Variants in NALF1 observed in about 807,000 individuals in gnomAD.
NALF1 encodes the protein NALCN channel auxiliary factor 1.
NALF1 carries 3 observed loss-of-function variants against 48.4 expected under a neutral mutation model. The ratio of observed to expected loss-of-function variants is 0.06; its 90% CI spans 0.03 to 0.16. The LOEUF (loss-of-function observed/expected upper bound fraction) is 0.16. Ranked by LOEUF, NALF1 falls within the 10% of genes least tolerant of loss-of-function variation. The probability of loss-of-function intolerance (pLI) is 1.00; values close to 1 mark genes in which losing one functional copy is unlikely to be tolerated. For synonymous variants in NALF1, 262 were observed against 245.7 expected, an observed-to-expected ratio of 1.07 and a Z score of -0.62; for missense variants, 526 against 571.5, an observed-to-expected ratio of 0.92 and a Z score of 0.81.
At position 107,266,782 on chromosome 13, in the gene NALF1, C is replaced by T. The variant is rs574156384; in HGVS notation, c.916-56027G>A. On this transcript the variant is annotated intron_variant, in intron 1 of 2. Coordinates refer to ENST00000375915, the MANE Select transcript of NALF1 (RefSeq NM_001080396.3). ...CAAAATCACCTATGCAAATTATTAA[C>T]ACAACTCCTGTCTATTGCTCAATAA... is the stretch of plus-strand genomic sequence containing the variant. Among the ~76,000 whole-genome samples, 7 of 152,310 alleles carry T rather than the reference C, an allele frequency of 4.6e-5. No individual in the cohort carries two copies. In the South Asian group the frequency reaches 1.0e-3, roughly 23 times the overall value.
At chr13:107,616,871 C>T (rs1168127132) in intron 1 of NALF1, among the ~76,000 whole-genome samples, 1 of 152,176 alleles carries the variant, frequency 6.6e-6, no homozygotes, top group Non-Finnish European at 1.5e-5. Flanking sequence ...AAACTAAAAA[C>T]ACTCAGGTGC....
intron 1 of NALF1, among the ~76,000 whole-genome samples, chr13:107,741,953 C>T (rs1375825842): frequency 6.6e-6 from 1 of 152,164 alleles, no homozygotes; most frequent in Non-Finnish European, 1.5e-5. Context: ...CCCTACAGAA[C>T]TTTGGTCTTA....
chr13:107,325,853 CACATATATATATATAT>C (rs1343969931), intron 1 of NALF1, among the ~76,000 whole-genome samples: 2 of 49,990 alleles, frequency 4.0e-5, no homozygotes, highest in African/African-American at 6.6e-5. Context: ...CACACACACA[CACATATATATATATAT>C]ATATATATAT....
chr13:107,366,288 C>T (rs1883150479), intron 1 of NALF1, among the ~76,000 whole-genome samples: 1 of 152,182 alleles, frequency 6.6e-6, no homozygotes, highest in Non-Finnish European at 1.5e-5. Flanking sequence ...CATTGAGATT[C>T]ATCTATCCTT....
At chr13:107,604,259 G>A (rs1230506937) in intron 1 of NALF1, among the ~76,000 whole-genome samples, 1 of 152,096 alleles carries the variant, frequency 6.6e-6, no homozygotes, top group African/African-American at 2.4e-5. Flanking sequence ...GCTGTTTAGA[G>A]GGCTTAGGGG....
intron 1 of NALF1, among the ~76,000 whole-genome samples, chr13:107,719,725 T>C (rs1401355839): frequency 6.6e-6 from 1 of 152,150 alleles, no homozygotes; most frequent in South Asian, 2.1e-4. Context: ...GTCTGTATTC[T>C]ACTCTCAAAG....
chr13:107,212,676 T>C (rs1594072722), intron 1 of NALF1, among the ~76,000 whole-genome samples: 1 of 152,344 alleles, frequency 6.6e-6, no homozygotes, highest in African/African-American at 2.4e-5. Flanking sequence ...TATGACATGA[T>C]ACGTAATATG....
At chr13:107,792,323 A>G (rs1017250773) in intron 1 of NALF1, among the ~76,000 whole-genome samples, 1 of 152,210 alleles carries the variant, frequency 6.6e-6, no homozygotes, top group Non-Finnish European at 1.5e-5. Context: ...GTAAAATTAT[A>G]ATAGATTTTT....
At chr13:107,580,656 G>A (rs1415904908) in intron 1 of NALF1, among the ~76,000 whole-genome samples, 1 of 152,106 alleles carries the variant, frequency 6.6e-6, no homozygotes, top group East Asian at 1.9e-4. Flanking sequence ...CTTGCTTGTG[G>A]CTTTATTTCT....
intron 1 of NALF1, among the ~76,000 whole-genome samples, chr13:107,533,230 C>T (rs926019379): frequency 6.6e-6 from 1 of 152,050 alleles, no homozygotes; most frequent in African/African-American, 2.4e-5. Flanking sequence ...TAGAAATTTA[C>T]ACATTTGAAA....
At chr13:107,793,361 G>T (rs1878311624) in intron 1 of NALF1, among the ~76,000 whole-genome samples, 1 of 152,166 alleles carries the variant, frequency 6.6e-6, no homozygotes, top group Non-Finnish European at 1.5e-5. Flanking sequence ...ACTAGAACTG[G>T]TTATGATGCA....
chr13:107,599,224 T>C (rs898930198), intron 1 of NALF1, among the ~76,000 whole-genome samples: 8 of 151,888 alleles, frequency 5.3e-5, no homozygotes, highest in African/African-American at 1.9e-4. Context: ...ATGGAGACCA[T>C]CCTGGCTAAC....
intron 1 of NALF1, among the ~76,000 whole-genome samples, chr13:107,703,902 T>C (rs1426461973): frequency 6.6e-6 from 1 of 152,190 alleles, no homozygotes; most frequent in Non-Finnish European, 1.5e-5. Context: ...TAACAAATAT[T>C]GAAATAGAGG....
At chr13:107,305,481 A>C (rs1881919115) in intron 1 of NALF1, among the ~76,000 whole-genome samples, 1 of 152,238 alleles carries the variant, frequency 6.6e-6, no homozygotes, top group South Asian at 2.1e-4. Flanking sequence ...TTAAGTTAAA[A>C]AATCTCAAAG....
chr13:107,726,892 C>A (rs1272676878), intron 1 of NALF1, among the ~76,000 whole-genome samples: 5 of 145,852 alleles, frequency 3.4e-5, no homozygotes, highest in African/African-American at 1.3e-4. Context: ...GCATGAGACA[C>A]CACGCCCGGC....
At chr13:107,216,779 AT>A (rs1269802771) in intron 1 of NALF1, among the ~76,000 whole-genome samples, 1 of 152,166 alleles carries the variant, frequency 6.6e-6, no homozygotes, top group African/African-American at 2.4e-5. Flanking sequence ...GACTCCATTT[AT>A]ACAGGAGAGG....
intron 1 of NALF1, among the ~76,000 whole-genome samples, chr13:107,635,793 C>G (rs572708636): frequency 5.3e-5 from 8 of 152,240 alleles, no homozygotes; most frequent in South Asian, 4.1e-4. Flanking sequence ...GCAATAGTTC[C>G]TATCAAAGCA....
intron 1 of NALF1, among the ~76,000 whole-genome samples, chr13:107,213,553 C>T (rs1053376005): frequency 7.2e-5 from 11 of 152,044 alleles, no homozygotes; most frequent in Non-Finnish European, 1.2e-4. Flanking sequence ...TGAGCTGAAT[C>T]GAAATCCGAA....
intron 1 of NALF1, among the ~76,000 whole-genome samples, chr13:107,410,124 T>C (rs1802986443): frequency 6.6e-6 from 1 of 152,200 alleles, no homozygotes; most frequent in African/African-American, 2.4e-5. Context: ...TTGGTGCTTG[T>C]CCAAGAAGTG....
Sources: gnomAD v4.1 joint callset for allele counts (sites outside exome capture counted in the v4.1 genomes callset) on GRCh38, gnomAD v4.1.1 for gene constraint, MANE v1.5 for transcripts, NCBI Gene and HGNC (gene_info 2026-07-23, HGNC 2026-07-21) for gene names.